The following PCDHGA9 variants were observed in gnomAD, a reference collection of about 807,000 sequenced individuals.
PCDHGA9 encodes the protein protocadherin gamma subfamily A, 9, also known as protocadherin gamma-A9.
PCDHGA9 carries 37 observed loss-of-function variants against 62.5 expected under a neutral mutation model. The ratio of observed to expected loss-of-function variants is 0.59; its 90% CI spans 0.46 to 0.78. The LOEUF is 0.78. Ranked by LOEUF, PCDHGA9 falls within the 30% of genes least tolerant of loss-of-function variation. The pLI is 0.00. For synonymous variants in PCDHGA9, 459 were observed against 484.6 expected, an observed-to-expected ratio of 0.95 and a Z score of 0.69; for missense variants, 1,138 against 1,166.2, an observed-to-expected ratio of 0.98 and a Z score of 0.35.
At position 141,431,549 on chromosome 5, in the gene PCDHGA9, G is replaced by A. The variant is rs750427346; in HGVS notation, c.2424+26173G>A. ...GGCCTTGGGCACGCAGCTGCTTGTA[G>A]TCAACGCTACCGACCCTGACGAAGG... On this transcript the variant is annotated intron_variant, in intron 1 of 3. Coordinates refer to ENST00000573521, the MANE Select transcript of PCDHGA9 (RefSeq NM_018921.3). This position sits in a 1 kb window ranked among gnomAD's most constrained non-coding sequence, Gnocchi z 4.8. The A allele has an allele frequency of 6.2e-7, 1 of 1,614,156 alleles. No homozygotes were observed. Among genetic ancestry groups the A allele is most frequent in the South Asian group, 1.1e-5 (1 of 91,090 alleles).
chr5:141,422,070 A>G (rs1202364320), intron 1 of PCDHGA9: 3 of 1,612,480 alleles, frequency 1.9e-6, no homozygotes, highest in Non-Finnish European at 2.5e-6. Context: ...TAATGTATTC[A>G]TTTCGGAACA....
rs140779776 is a variant in PCDHGA9 at position 141,412,904 on chromosome 5, C to T, written c.2424+7528C>T. On this transcript the variant is annotated intron_variant, in intron 1 of 3. Transcript: ENST00000573521. ...CAACAGAATAGTTTACTTTCCATTG[C>T]ATGTATCACTTGGGTGCAGTAACTT... The T allele has an allele frequency of 4.0e-4, 150 of 378,712 alleles. 3 individuals carry two copies. In the East Asian group the frequency reaches 6.1e-3, roughly 15 times the overall value. 23.5% of individuals were successfully genotyped at this position (378,712 alleles called of 1,614,324 possible).
At chr5:141,445,284 C>A (rs2098462533) in intron 1 of PCDHGA9, among the ~76,000 whole-genome samples, 1 of 152,178 alleles carries the variant, frequency 6.6e-6, no homozygotes, top group African/African-American at 2.4e-5. Flanking sequence ...TGCATAAGTT[C>A]AGGCTTCCAT....
At chr5:141,449,148 T>C (rs570694341) in intron 1 of PCDHGA9, among the ~76,000 whole-genome samples, 20 of 152,268 alleles carry the variant, frequency 1.3e-4, no homozygotes, top group African/African-American at 4.8e-4. Flanking sequence ...AATTGCTGGG[T>C]CAAAGAGGAA....
rs2095932484 is a variant in PCDHGA9, at chr5:141,415,751, T to TG, written c.2424+10375_2424+10376insG. 3.8e-6 allele frequency: 5 copies of TG among 1,328,726 alleles called. No homozygotes were observed. The African/African-American group carries it at 9.4e-5, about 25-fold the overall frequency. The allele number at this position is 1,328,726 out of a possible 1,614,324, so 82.3% of individuals were successfully genotyped here. On this transcript the variant is annotated intron_variant, in intron 1 of 3. Transcript: ENST00000573521. ...TGATGTTTATTAAGGTTTTTTTTTT[T>TG]TTTTTTTTTTTTTTTTTTTTTACTT... is the stretch of plus-strand genomic sequence containing the variant.
rs202113404 is a variant in PCDHGA9, at chr5:141,414,779, A to G, written c.2424+9403A>G. The G allele has an allele frequency of 4.2e-4, 674 of 1,614,210 alleles. No homozygotes were observed. Among genetic ancestry groups the G allele is most frequent in the Admixed American group, 6.0e-4 (36 of 60,022 alleles). On this transcript the variant is annotated intron_variant, in intron 1 of 3. Transcript: ENST00000573521. ...GAGCAGTTTCATGAGCTACAGATGCAGGTGACAGCCAGCGACAGCGGGGAT... is the reference window on the plus strand; with the variant it reads ...GAGCAGTTTCATGAGCTACAGATGCGGGTGACAGCCAGCGACAGCGGGGAT...
intron 1 of PCDHGA9, among the ~76,000 whole-genome samples, chr5:141,429,826 C>T (rs1211415098): frequency 2.6e-5 from 4 of 152,054 alleles, no homozygotes; most frequent in Non-Finnish European, 4.4e-5. Context: ...GGTCAGTTAC[C>T]CAGGAAAAGG....
At chr5:141,422,721 G>A in intron 1 of PCDHGA9, 1 of 1,605,664 alleles carries the variant, frequency 6.2e-7, no homozygotes, top group East Asian at 2.2e-5. Flanking sequence ...ACACTGTCCA[G>A]GGGGTGCCTC....
chr5:141,459,259 G>T (rs996530664), intron 1 of PCDHGA9, among the ~76,000 whole-genome samples: 1 of 152,140 alleles, frequency 6.6e-6, no homozygotes, highest in Non-Finnish European at 1.5e-5. Context: ...ATAAATTAGT[G>T]TTGCCTCTTT....
At chr5:141,408,342 TG>T in intron 1 of PCDHGA9, 1 of 1,613,856 alleles carries the variant, frequency 6.2e-7, no homozygotes, top group Non-Finnish European at 8.5e-7. Context: ...GGCTCGGTGG[TG>T]GGGAACCTCG....
In PCDHGA9 at chr5:141,489,375, G is replaced by A. The variant is rs768190252; in HGVS notation, c.2425-5432G>A. The A allele has an allele frequency of 1.2e-5, 19 of 1,613,826 alleles. No individual in the cohort carries two copies. The Admixed American group carries it at 3.2e-4, about 27-fold the overall frequency. ...AGGAGTCTGAGCCGGGGACGCTGGT[G>A]GGGAATGTTGCTCAGGATCTGGGCT... On this transcript the variant is annotated intron_variant, in intron 1 of 3. Transcript: ENST00000573521. The surrounding 1 kb of genome is among the most constrained non-coding windows in gnomAD (Gnocchi z 4.5).
rs2095943632 is a variant in PCDHGA9 at position 141,415,767 on chromosome 5, TTTTTTACTTTC to T, written c.2424+10393_2424+10403del. ...TTTTTTTTTTTTTTTTTTTTTTTTT[TTTTTTACTTTC>T]TGGTAAAATTCACCTAGTCTCAATC... is the stretch of plus-strand genomic sequence containing the variant. On this transcript the variant is annotated intron_variant, in intron 1 of 3. Transcript: ENST00000573521. 3.1e-6 allele frequency: 4 copies of T among 1,300,754 alleles called. No individual in the cohort carries two copies. The Admixed American group carries it at 1.4e-4, about 46-fold the overall frequency. The allele number at this position is 1,300,754 out of a possible 1,614,324, so 80.6% of individuals were successfully genotyped here.
At chr5:141,415,696 G>C (rs867312295) in intron 1 of PCDHGA9, 12 of 1,397,434 alleles carry the variant, frequency 8.6e-6, no homozygotes, top group Non-Finnish European at 1.1e-5. Flanking sequence ...GGTGGAAAGT[G>C]TAAATGCTAA....
intron 1 of PCDHGA9, among the ~76,000 whole-genome samples, chr5:141,457,424 C>T (rs1261475379): frequency 6.6e-6 from 1 of 152,068 alleles, no homozygotes; most frequent in Non-Finnish European, 1.5e-5. Context: ...TCCCTTTTTC[C>T]CCCCCACCAA....
chr5:141,489,846 T>C lies in PCDHGA9; in HGVS notation c.2425-4961T>C. The C allele has an allele frequency of 6.2e-7, 1 of 1,614,190 alleles. No individual in the cohort carries two copies. The highest frequency in any genetic ancestry group is 1.1e-5 in the South Asian group (1 of 91,088). ...TGGTGCTAGAGCAGCAGCTGGATCG[T>C]GAAGCCCAGGCAAGACATCAGCTGG... is the stretch of plus-strand genomic sequence containing the variant. On this transcript the variant is annotated intron_variant, in intron 1 of 3. Coordinates refer to ENST00000573521, the MANE Select transcript of PCDHGA9 (RefSeq NM_018921.3). This position sits in a 1 kb window ranked among gnomAD's most constrained non-coding sequence, Gnocchi z 4.5.
At chr5:141,427,951 A>G in intron 1 of PCDHGA9, 1 of 1,586,612 alleles carries the variant, frequency 6.3e-7, no homozygotes, top group Non-Finnish European at 8.6e-7. Flanking sequence ...CTCAATGACA[A>G]TGTGCCGCGG....
At chr5:141,468,931 G>A (rs1321821773) in intron 1 of PCDHGA9, among the ~76,000 whole-genome samples, 2 of 148,600 alleles carry the variant, frequency 1.3e-5, no homozygotes, top group Non-Finnish European at 3.0e-5. Flanking sequence ...GCACTAAAAT[G>A]GGAGATGGGG....
chr5:141,489,666 C>A lies in PCDHGA9; in HGVS notation c.2425-5141C>A. On this transcript the variant is annotated intron_variant, in intron 1 of 3. Transcript: ENST00000573521. The surrounding 1 kb of genome is among the most constrained non-coding windows in gnomAD (Gnocchi z 4.5). ...CCACCCCTGAGCGAGAGATGCGCAT[C>A]TCAGAATCAGCAGCATCTGGGGCAC... 1.2e-6 allele frequency: 2 copies of A among 1,614,222 alleles called. No homozygotes were observed. Among genetic ancestry groups the A allele is most frequent in the Non-Finnish European group, 1.7e-6 (2 of 1,180,036 alleles).
intron 2 of PCDHGA9, among the ~76,000 whole-genome samples, chr5:141,500,329 C>G (rs1384834356): frequency 6.6e-6 from 1 of 151,986 alleles, no homozygotes; most frequent in Non-Finnish European, 1.5e-5. Flanking sequence ...CTGCCTCAGC[C>G]TCCAGAATAG....
Sources: gnomAD v4.1 joint callset for allele counts (sites outside exome capture counted in the v4.1 genomes callset) on GRCh38, gnomAD v4.1.1 for gene constraint, Gnocchi (gnomAD v3.1) non-coding constraint, MANE v1.5 for transcripts, NCBI Gene and HGNC (gene_info 2026-07-23, HGNC 2026-07-21) for gene names.